Variants in PTPN3 observed in about 807,000 individuals in gnomAD.
PTPN3 encodes protein tyrosine phosphatase non-receptor type 3, also known as tyrosine-protein phosphatase non-receptor type 3.
In PTPN3, 96 loss-of-function variants were observed where a neutral mutation model predicts 132.7. The observed-to-expected ratio is 0.72, with a 90% CI of 0.61 to 0.86. The LOEUF (loss-of-function observed/expected upper bound fraction) is 0.86. Among genes scored for constraint, PTPN3 ranks in the 40% least tolerant of loss-of-function variants. The pLI is 0.00. For missense variants in PTPN3, 1,125 were observed against 1,159.6 expected (o/e 0.97, Z 0.43); for synonymous variants, 398 against 429.0 (o/e 0.93, Z 0.89).
the PTPN3 span, among the ~76,000 whole-genome samples, chr9:109,525,675 G>C: frequency 6.6e-6 from 1 of 152,208 alleles, no homozygotes; most frequent in African/African-American, 2.4e-5. Flanking sequence ...GCAGCCTCCT[G>C]CTAATTAACT....
the PTPN3 span, among the ~76,000 whole-genome samples, chr9:109,510,483 C>T: frequency 0.019 from 2,817 of 149,278 alleles, 83 homozygotes; most frequent in African/African-American, 0.066. Flanking sequence ...CCTTGAACCC[C>T]GGAGGCAGAG....
At chr9:109,473,758 A>C (rs1846496297) in intron 1 of PTPN3, among the ~76,000 whole-genome samples, 1 of 152,186 alleles carries the variant, frequency 6.6e-6, no homozygotes, top group Non-Finnish European at 1.5e-5. Flanking sequence ...CACAGAGAGA[A>C]AAAGTACAAA....
intron 2 of PTPN3, among the ~76,000 whole-genome samples, chr9:109,458,751 A>G (rs1410553650): frequency 6.6e-6 from 1 of 152,236 alleles, no homozygotes; most frequent in Non-Finnish European, 1.5e-5. Context: ...TAGGTGGGGA[A>G]AGAATGACCC....
chr9:109,389,743 A>G (rs537523436), intron 21 of PTPN3, among the ~76,000 whole-genome samples: 2 of 152,316 alleles, frequency 1.3e-5, no homozygotes, highest in African/African-American at 4.8e-5. Context: ...GTCTTTCCCT[A>G]TGCAGGGTTT....
chr9:109,383,785 G>C (rs965232372), intron 22 of PTPN3, among the ~76,000 whole-genome samples: 4 of 152,152 alleles, frequency 2.6e-5, no homozygotes, highest in African/African-American at 9.7e-5. Flanking sequence ...TGGAGGAGGA[G>C]GACGCAGCGT....
At chr9:109,445,433 T>G in intron 6 of PTPN3, 141 bp from the exon 7 acceptor site, 2 of 763,498 alleles carry the variant, frequency 2.6e-6, no homozygotes, top group Non-Finnish European at 4.5e-6. Flanking sequence ...AAAAGCAACT[T>G]TATGCTGCAC....
chr9:109,456,046 T>C (rs768856373), intron 4 of PTPN3, among the ~76,000 whole-genome samples: 11 of 152,090 alleles, frequency 7.2e-5, no homozygotes, highest in Non-Finnish European at 1.2e-4. Context: ...ATGCAGCTCA[T>C]GGGAGGGAAG....
At chr9:109,422,607 G>C (rs1024167159) in intron 13 of PTPN3, 111 bp downstream of exon 13, 1 of 1,274,272 alleles carries the variant, frequency 7.8e-7, no homozygotes, top group East Asian at 2.4e-5. Flanking sequence ...AGCCTAAAAT[G>C]CAAATTGTAG....
At chr9:109,504,125 T>A in the PTPN3 span, among the ~76,000 whole-genome samples, 1 of 151,904 alleles carries the variant, frequency 6.6e-6, no homozygotes, top group Non-Finnish European at 1.5e-5. Flanking sequence ...GAGATGAGAG[T>A]GTTATTCTTG....
At chr9:109,536,356 A>T in the PTPN3 span, among the ~76,000 whole-genome samples, 1 of 152,204 alleles carries the variant, frequency 6.6e-6, no homozygotes, top group African/African-American at 2.4e-5. Context: ...CCTTTTGGGT[A>T]TATACCTACA....
At chr9:109,438,955 C>T (rs1259042321) in intron 7 of PTPN3, among the ~76,000 whole-genome samples, 1 of 152,190 alleles carries the variant, frequency 6.6e-6, no homozygotes, top group East Asian at 1.9e-4. Flanking sequence ...TAGGGACCTG[C>T]AGGTGCAGAG....
upstream of PTPN3, among the ~76,000 whole-genome samples, chr9:109,499,744 G>A (rs1847831058): frequency 6.6e-6 from 1 of 152,220 alleles, no homozygotes; most frequent in African/African-American, 2.4e-5. Flanking sequence ...TCCTTGTCCC[G>A]GAGTCGCACG....
chr9:109,503,261 G>A (rs943971450), upstream of PTPN3, among the ~76,000 whole-genome samples: 8 of 152,152 alleles, frequency 5.3e-5, no homozygotes, highest in Admixed American at 2.6e-4. Context: ...GCTCAGGAGC[G>A]AGAAGGTGGT....
chr9:109,510,576 A>ATATATATATATATATATATATATAT, the PTPN3 span, among the ~76,000 whole-genome samples: 1 of 47,330 alleles, frequency 2.1e-5, no homozygotes. Context: ...AAAAAAAAAA[A>ATATATATATATATATATATATATAT]ATATATATAT....
chr9:109,454,018 CA>C (rs914649130), intron 5 of PTPN3, among the ~76,000 whole-genome samples: 7 of 149,956 alleles, frequency 4.7e-5, no homozygotes, highest in African/African-American at 7.4e-5. Flanking sequence ...CGTCTCAAAA[CA>C]AAAAAAAAGA....
chr9:109,533,444 C>T, the PTPN3 span: 4 of 1,466,886 alleles, frequency 2.7e-6, no homozygotes, highest in Admixed American at 1.8e-5. Flanking sequence ...CCGCACCTGG[C>T]CGGTTTAGGG....
At position 109,410,329 on chromosome 9, in the gene PTPN3, G is replaced by A. The variant is rs754919153; in HGVS notation, c.1400C>T (p.Ser467Phe). 1 of 1,614,178 alleles carries A rather than the reference G, an allele frequency of 6.2e-7. No homozygotes were observed. Among genetic ancestry groups the A allele is most frequent in the South Asian group, 1.1e-5 (1 of 91,074 alleles). ...CTGATCAACGCCGTCAGGTGAGCAG[G>A]AGCCTGGAGCATTTGAAGATGGAGA... is the stretch of plus-strand genomic sequence containing the variant. The part of the protein sequence containing the change: ...SVSPSSNAPG[S>F]CSPDGVDQQL... The change falls in exon 15 of 26, where the codon TCC becomes TTC. Residue 467 changes from serine (S) to phenylalanine (F), a missense_variant. Ser to Phe is a radical substitution (Grantham distance 155). Transcript: ENST00000374541.
intron 11 of PTPN3, among the ~76,000 whole-genome samples, chr9:109,428,255 G>T (rs1254533764): frequency 6.6e-6 from 1 of 152,166 alleles, no homozygotes; most frequent in Non-Finnish European, 1.5e-5. Flanking sequence ...TGGCTAGCTG[G>T]TAAGTGGAAG....
intron 12 of PTPN3, among the ~76,000 whole-genome samples, chr9:109,426,473 T>C (rs1234965549): frequency 6.6e-6 from 1 of 152,200 alleles, no homozygotes. Flanking sequence ...TCAACTGTGA[T>C]TACTACTGTT....
Sources: allele counts gnomAD v4.1 joint callset (sites outside exome capture counted in the v4.1 genomes callset), GRCh38; gene constraint gnomAD v4.1.1; transcripts MANE v1.5; gene names NCBI Gene and HGNC (gene_info 2026-07-23, HGNC 2026-07-21).